CLEC2L: variants seen among roughly 807,000 people sequenced by gnomAD.
CLEC2L encodes the protein C-type lectin domain family 2 member L.
CLEC2L carries 14 observed loss-of-function variants against 23.6 expected under a neutral mutation model. That is an observed-to-expected ratio of 0.59 (90% CI 0.39 to 0.93). The LOEUF (loss-of-function observed/expected upper bound fraction) is 0.93. Ranked by LOEUF, CLEC2L falls within the 40% of genes least tolerant of loss-of-function variation. The pLI is 0.00. For missense variants in CLEC2L, 264 were observed against 282.4 expected (o/e 0.93, Z 0.47); for synonymous variants, 114 against 121.3 (o/e 0.94, Z 0.40).
At chr7:139,534,543 G>A in intron 1 of CLEC2L, 1 of 763,518 alleles carries the variant, frequency 1.3e-6, no homozygotes, top group Admixed American at 1.7e-5. Context: ...AGGCTCAACA[G>A]GCTGATAAAT....
At chr7:139,535,654 CAAAG>C (rs149760992) in intron 1 of CLEC2L, among the ~76,000 whole-genome samples, 366 of 151,904 alleles carry the variant, frequency 2.4e-3, no homozygotes, top group African/African-American at 8.6e-3. Context: ...ATGAAAATAA[CAAAG>C]AGAGAACCCA....
At chr7:139,526,005 C>G (rs1321234383) in intron 1 of CLEC2L, among the ~76,000 whole-genome samples, 1 of 152,210 alleles carries the variant, frequency 6.6e-6, no homozygotes, top group Non-Finnish European at 1.5e-5. Context: ...ACTCATGCCA[C>G]CTGCAGTCCC....
chr7:139,528,852 A>G (rs1797541056), intron 1 of CLEC2L, among the ~76,000 whole-genome samples: 1 of 152,220 alleles, frequency 6.6e-6, no homozygotes, highest in African/African-American at 2.4e-5. Flanking sequence ...AGCATGGTCC[A>G]GTGCAGCACC....
intron 1 of CLEC2L, among the ~76,000 whole-genome samples, chr7:139,525,050 G>C (rs75012754): frequency 0.095 from 14,488 of 152,258 alleles, 1,441 homozygotes; most frequent in African/African-American, 0.25. Context: ...GCTACTCTGT[G>C]CCACGTGGGA....
In CLEC2L at chr7:139,523,853, A is replaced by C; in HGVS notation, c.-75A>C. 3 of 957,048 alleles carry C rather than the reference A, an allele frequency of 3.1e-6. No individual in the cohort carries two copies. The highest frequency in any genetic ancestry group is 3.7e-6 in the Non-Finnish European group (3 of 807,048). The allele number at this position is 957,048 out of a possible 1,614,324, so 59.3% of individuals were successfully genotyped here. On this transcript the variant is annotated 5_prime_UTR_variant, in exon 1 of 5. Coordinates refer to ENST00000422142, the MANE Select transcript of CLEC2L (RefSeq NM_001080511.4). The surrounding 1 kb of genome is among the most constrained non-coding windows in gnomAD (Gnocchi z 4.1). ...CCTGGGGGGCCCGCAGGGCGCGCGG[A>C]GCGCCGAGTGCGCGTCGGGCTGGGC...
At chr7:139,536,031 A>C (rs1797649367) in intron 1 of CLEC2L, among the ~76,000 whole-genome samples, 1 of 152,192 alleles carries the variant, frequency 6.6e-6, no homozygotes, top group Non-Finnish European at 1.5e-5. Flanking sequence ...TTGGCCAGGT[A>C]TGGTAGCTCA....
intron 2 of CLEC2L, 75 bp downstream of exon 2, chr7:139,536,423 G>C: frequency 7.6e-7 from 1 of 1,307,560 alleles, no homozygotes; most frequent in Non-Finnish European, 1.1e-6. Context: ...ATTAGTTAAA[G>C]AAAGATTCTA....
At position 139,542,870 on chromosome 7, in the gene CLEC2L, G is replaced by C. The variant is rs964411027; in HGVS notation, c.533+749G>C. ...TGTGTGGGGCGTGGGGAAAGGAGTG[G>C]TCTAGGCCGAGAGAAATGCAGGGAA... On this transcript the variant is annotated intron_variant, in intron 4 of 4. Transcript: ENST00000422142. Among the ~76,000 whole-genome samples, 12 of 152,118 alleles carry C rather than the reference G, an allele frequency of 7.9e-5. 1 individual carries two copies. In the South Asian group the frequency reaches 8.3e-4, roughly 11 times the overall value.
chr7:139,527,706 G>A (rs2116543865), intron 1 of CLEC2L, among the ~76,000 whole-genome samples: 1 of 152,268 alleles, frequency 6.6e-6, no homozygotes, highest in African/African-American at 2.4e-5. Context: ...TGGGAGAGGG[G>A]ACAGAGTGAG....
intron 1 of CLEC2L, among the ~76,000 whole-genome samples, chr7:139,525,567 C>T (rs945548681): frequency 2.0e-5 from 3 of 152,148 alleles, no homozygotes; most frequent in Admixed American, 2.0e-4. Context: ...ACGCTGTCTC[C>T]GGCTTTACTG....
In CLEC2L at chr7:139,540,107, TC is replaced by T. The variant is rs1306473433; in HGVS notation, c.266-211del. 1 of 551,662 alleles carries T rather than the reference TC, an allele frequency of 1.8e-6. No homozygotes were observed. The highest frequency in any genetic ancestry group is 1.9e-5 in the African/African-American group (1 of 52,734). The allele number at this position is 551,662 out of a possible 1,614,324, so 34.2% of individuals were successfully genotyped here. The stretch of plus-strand genomic sequence containing the variant: ...ACCCAGGGGCTGCCCTGCTGTCACT[TC>T]CCGTCGTGATGATGCCCCTGCCAGG... On this transcript the variant is annotated intron_variant, in intron 2 of 4. Coordinates refer to ENST00000422142, the MANE Select transcript of CLEC2L (RefSeq NM_001080511.4). This position sits in a 1 kb window ranked among gnomAD's most constrained non-coding sequence, Gnocchi z 5.8.
chr7:139,526,025 C>G (rs1230792307), intron 1 of CLEC2L, among the ~76,000 whole-genome samples: 1 of 152,246 alleles, frequency 6.6e-6, no homozygotes, highest in Non-Finnish European at 1.5e-5. Flanking sequence ...CCTCCCCTTC[C>G]TTCCCCTGGT....
In CLEC2L at chr7:139,524,080, C is replaced by T; in HGVS notation, c.153C>T (p.Gly51=). The T allele has an allele frequency of 8.2e-7, 1 of 1,226,952 alleles. No individual in the cohort carries two copies. The highest frequency in any genetic ancestry group is 4.1e-5 in the South Asian group (1 of 24,260). The allele number at this position is 1,226,952 out of a possible 1,614,324, so 76.0% of individuals were successfully genotyped here. Residue 51 remains glycine, a synonymous_variant, in exon 1 of 5, where the codon GGC becomes GGT. Transcript: ENST00000422142. The stretch of plus-strand genomic sequence containing the variant: ...GGCTGCTGCGGCGATCCGGGTCGGG[C>T]TACGAGGGCAGCACCAGCTGGAAGG... ...PEGLLRRSGS[G]YEGSTSWKAA...
At position 139,538,486 on chromosome 7, in the gene CLEC2L, C is replaced by T. The variant is rs534503987; in HGVS notation, c.266-1835C>T. On this transcript the variant is annotated intron_variant, in intron 2 of 4. Transcript: ENST00000422142. ...AAAAAGGTCCGGGCGTGGTGGCTCACGCCTGTAATCCCAGCACTTTGGGAG... is the reference window on the plus strand; with the variant it reads ...AAAAAGGTCCGGGCGTGGTGGCTCATGCCTGTAATCCCAGCACTTTGGGAG... Among the ~76,000 whole-genome samples, 4 of 149,062 alleles carry T rather than the reference C, an allele frequency of 2.7e-5. No homozygotes were observed. In the East Asian group the frequency reaches 6.0e-4, roughly 22 times the overall value.
intron 2 of CLEC2L, among the ~76,000 whole-genome samples, chr7:139,536,781 C>T (rs1038655990): frequency 3.3e-5 from 5 of 151,748 alleles, no homozygotes; most frequent in African/African-American, 4.8e-5. Context: ...TTGAGACCAG[C>T]CTGGCCAACA....
intron 1 of CLEC2L, among the ~76,000 whole-genome samples, chr7:139,530,658 C>G (rs1047246748): frequency 2.6e-5 from 4 of 151,558 alleles, no homozygotes; most frequent in Admixed American, 2.6e-4. Context: ...ACTAAAATTA[C>G]AAAAATTAGC....
chr7:139,538,158 T>C (rs1585201287), intron 2 of CLEC2L, among the ~76,000 whole-genome samples: 1 of 152,122 alleles, frequency 6.6e-6, no homozygotes, highest in African/African-American at 2.4e-5. Context: ...GGCAGCCGGG[T>C]GCAGTGGCTC....
At chr7:139,529,204 T>C (rs775015701) in intron 1 of CLEC2L, among the ~76,000 whole-genome samples, 4 of 152,180 alleles carry the variant, frequency 2.6e-5, no homozygotes, top group Non-Finnish European at 4.4e-5. Context: ...CGCGAGTTGA[T>C]TGAATAGAGT....
chr7:139,540,509 G>C lies in CLEC2L; in HGVS notation c.432+22G>C. 1.3e-6 allele frequency: 2 copies of C among 1,572,822 alleles called. No homozygotes were observed. Among genetic ancestry groups the C allele is most frequent in the South Asian group, 1.2e-5 (1 of 85,560 alleles). The stretch of plus-strand genomic sequence containing the variant: ...GCTGGTGAGTGTGCCAAGGTGAAGG[G>C]GGTTGGGGGAAGGGACCCTCAGGGC... On this transcript the variant is annotated intron_variant, in intron 3 of 4. Transcript: ENST00000422142. This position sits in a 1 kb window ranked among gnomAD's most constrained non-coding sequence, Gnocchi z 5.8.
Sources: gnomAD v4.1 joint callset for allele counts (sites outside exome capture counted in the v4.1 genomes callset) on GRCh38, gnomAD v4.1.1 for gene constraint, Gnocchi (gnomAD v3.1) non-coding constraint, MANE v1.5 for transcripts, NCBI Gene and HGNC (gene_info 2026-07-23, HGNC 2026-07-21) for gene names.